The following DPYSL5 variants were observed in gnomAD, a reference collection of about 807,000 sequenced individuals.
DPYSL5 encodes the protein dihydropyrimidinase-related protein 5.
In DPYSL5, 9 loss-of-function variants were observed where a neutral mutation model predicts 58.4. That is an observed-to-expected ratio of 0.15 (90% CI 0.09 to 0.27). The LOEUF (loss-of-function observed/expected upper bound fraction) is 0.27, where lower values mean the gene tolerates loss of function less well. DPYSL5 is among the 10% of genes least tolerant of loss of function. The probability of loss-of-function intolerance (pLI) is 1.00; values close to 1 mark genes in which losing one functional copy is unlikely to be tolerated. For synonymous variants in DPYSL5, 293 were observed against 301.9 expected (o/e 0.97, Z 0.31); for missense variants, 499 against 770.6 (o/e 0.65, Z 4.17).
intron 2 of DPYSL5, among the ~76,000 whole-genome samples, chr2:26,918,309 A>G (rs1664624964): frequency 6.6e-6 from 1 of 152,156 alleles, no homozygotes; most frequent in African/African-American, 2.4e-5. Context: ...GGTACCATAC[A>G]TGCATCACCT....
chr2:26,930,937 G>C (rs2148163718), intron 5 of DPYSL5, among the ~76,000 whole-genome samples: 1 of 149,590 alleles, frequency 6.7e-6, no homozygotes, highest in Admixed American at 6.7e-5. Flanking sequence ...TTGCGCCACT[G>C]CACTCCAGCC....
intron 5 of DPYSL5, among the ~76,000 whole-genome samples, chr2:26,930,168 G>A (rs1192247951): frequency 6.6e-6 from 1 of 152,180 alleles, no homozygotes; most frequent in African/African-American, 2.4e-5. Context: ...TTCTGAATTG[G>A]TAGAGAAACA....
intron 1 of DPYSL5, among the ~76,000 whole-genome samples, chr2:26,866,469 AACACACAC>A (rs57210677): frequency 5.4e-5 from 8 of 148,554 alleles, no homozygotes; most frequent in Admixed American, 4.7e-4. Context: ...TCATTATGCA[AACACACAC>A]ACACACACAC....
At chr2:26,939,485 GGAA>G (rs1429446872) in intron 8 of DPYSL5, 2 of 155,090 alleles carry the variant, frequency 1.3e-5, no homozygotes, top group African/African-American at 4.8e-5. Context: ...ACGGCATTGG[GGAA>G]GAACTGAGTG....
intron 1 of DPYSL5, among the ~76,000 whole-genome samples, chr2:26,888,255 T>TTCTTTCTGTCTGTCTTTCTTTCTG (rs1553316480): frequency 9.2e-6 from 1 of 108,188 alleles, no homozygotes; most frequent in African/African-American, 4.6e-5. Flanking sequence ...CTTTCTTTCT[T>TTCTTTCTGTCTGTCTTTCTTTCTG]TCTTTCTTTC....
chr2:26,848,021 T>A (rs1665638238), upstream of DPYSL5: 1 of 151,256 alleles, frequency 6.6e-6, no homozygotes, highest in African/African-American at 2.4e-5. Context: ...CTAGCTGAGG[T>A]GGGGAGCGGC....
chr2:26,929,968 G>C (rs996462895), intron 5 of DPYSL5, among the ~76,000 whole-genome samples: 1 of 152,232 alleles, frequency 6.6e-6, no homozygotes, highest in East Asian at 1.9e-4. Flanking sequence ...AATGCAGATG[G>C]GTGGTTGGTT....
chr2:26,928,458 G>T, intron 5 of DPYSL5, 135 bp downstream of exon 5: 2 of 975,816 alleles, frequency 2.0e-6, no homozygotes, highest in Non-Finnish European at 3.1e-6. Flanking sequence ...CATTTGGGAG[G>T]CTGAGGTGGG....
intron 1 of DPYSL5, among the ~76,000 whole-genome samples, chr2:26,887,728 T>C (rs1663756136): frequency 6.8e-6 from 1 of 148,052 alleles, no homozygotes; most frequent in Non-Finnish European, 1.5e-5. Flanking sequence ...ATTGTTACTA[T>C]TTTAAACATG....
intron 1 of DPYSL5, among the ~76,000 whole-genome samples, chr2:26,879,729 C>A (rs965182954): frequency 6.6e-6 from 1 of 152,152 alleles, no homozygotes; most frequent in African/African-American, 2.4e-5. Flanking sequence ...GGGTCAGTTG[C>A]CATCTTCCAA....
Position 26,854,578 on chromosome 2 carries a change from C to T in DPYSL5, c.-5+6324C>T, listed in dbSNP as rs147873053. On this transcript the variant is annotated intron_variant, in intron 1 of 12. Coordinates refer to ENST00000288699, the MANE Select transcript of DPYSL5 (RefSeq NM_020134.4). ...AGTTGGGTGTGAGATTCACAGTTAA[C>T]TAAATAATTTAGCAATAGGCTATCC... is the stretch of plus-strand genomic sequence containing the variant. Among the ~76,000 whole-genome samples, 570 of 152,324 alleles carry T rather than the reference C, an allele frequency of 3.7e-3. 3 individuals carry two copies. Among genetic ancestry groups the T allele is most frequent in the African/African-American group, 0.013 (555 of 41,568 alleles).
At chr2:26,874,501 G>C (rs180671812) in intron 1 of DPYSL5, among the ~76,000 whole-genome samples, 2 of 152,126 alleles carry the variant, frequency 1.3e-5, no homozygotes, top group African/African-American at 4.8e-5. Flanking sequence ...ACCTTGGTAC[G>C]TTTGTCAAAA....
chr2:26,935,184 T>C (rs970980385), intron 8 of DPYSL5, among the ~76,000 whole-genome samples: 2 of 152,126 alleles, frequency 1.3e-5, no homozygotes, highest in Non-Finnish European at 2.9e-5. Flanking sequence ...CCTTTCCCTT[T>C]TTCTTCTGCA....
chr2:26,870,034 T>C (rs761239122), intron 1 of DPYSL5, among the ~76,000 whole-genome samples: 1 of 152,056 alleles, frequency 6.6e-6, no homozygotes, highest in South Asian at 2.1e-4. Context: ...AAAAACATAA[T>C]GTATCTTCTT....
At chr2:26,917,653 T>C (rs1446693024) in intron 2 of DPYSL5, among the ~76,000 whole-genome samples, 1 of 152,090 alleles carries the variant, frequency 6.6e-6, no homozygotes, top group Non-Finnish European at 1.5e-5. Flanking sequence ...CCCCCACCCA[T>C]GTGAATTAGC....
intron 2 of DPYSL5, among the ~76,000 whole-genome samples, chr2:26,901,710 A>C (rs901103638): frequency 6.6e-6 from 1 of 152,184 alleles, no homozygotes; most frequent in Non-Finnish European, 1.5e-5. Flanking sequence ...ATCAAGTTGC[A>C]TCTTTTTGTT....
intron 2 of DPYSL5, among the ~76,000 whole-genome samples, chr2:26,910,591 T>C (rs1664410025): frequency 6.6e-6 from 1 of 151,002 alleles, no homozygotes; most frequent in South Asian, 2.1e-4. Context: ...ATAAGAGTTG[T>C]TTTCTTTTTT....
In DPYSL5 at chr2:26,927,512, C is replaced by A. The variant is rs1254105997; in HGVS notation, c.600+80C>A. On this transcript the variant is annotated intron_variant, in intron 4 of 12. Coordinates refer to ENST00000288699, the MANE Select transcript of DPYSL5 (RefSeq NM_020134.4). This position sits in a 1 kb window ranked among gnomAD's most constrained non-coding sequence, Gnocchi z 4.3. ...TCTCAGGGGATTCCTGACCACCCGT[C>A]ACTGATCCCACAGGATTCAGACAAA... The A allele has an allele frequency of 4.0e-6, 6 of 1,511,608 alleles. No homozygotes were observed. In the African/African-American group the frequency reaches 4.1e-5, roughly 10 times the overall value. The allele number at this position is 1,511,608 out of a possible 1,614,324, so 93.6% of individuals were successfully genotyped here. A position where few individuals can be genotyped will look rare whatever the true frequency, so the allele number is the denominator to read the frequency against.
chr2:26,925,151 A>G lies in DPYSL5; in HGVS notation c.420+106A>G. The G allele has an allele frequency of 7.1e-7, 1 of 1,401,744 alleles. No homozygotes were observed. The highest frequency in any genetic ancestry group is 9.7e-7 in the Non-Finnish European group (1 of 1,031,996). 86.8% of individuals were successfully genotyped at this position (1,401,744 alleles called of 1,614,324 possible). A position where few individuals can be genotyped will look rare whatever the true frequency, so the allele number is the denominator to read the frequency against. ...GCTTGTGTGGGGCACCCCTCCCACT[A>G]CCATCCTAGCTCCCCACAATGCCAA... is the stretch of plus-strand genomic sequence containing the variant. On this transcript the variant is annotated intron_variant, in intron 3 of 12. Transcript: ENST00000288699. The surrounding 1 kb of genome is among the most constrained non-coding windows in gnomAD (Gnocchi z 4.5).
Sources: gnomAD v4.1 joint callset for allele counts (sites outside exome capture counted in the v4.1 genomes callset) on GRCh38, gnomAD v4.1.1 for gene constraint, Gnocchi (gnomAD v3.1) non-coding constraint, MANE v1.5 for transcripts, NCBI Gene and HGNC (gene_info 2026-07-23, HGNC 2026-07-21) for gene names.